HIPK3: variants seen among roughly 807,000 people sequenced by gnomAD.
The protein encoded by HIPK3 is homeodomain interacting protein kinase 3.
Under a neutral mutation model 124.2 loss-of-function variants are expected in HIPK3, and 47 were observed. The ratio of observed to expected loss-of-function variants is 0.38; its 90% CI spans 0.30 to 0.48. HIPK3 has a LOEUF of 0.48. Ranked by LOEUF, HIPK3 falls within the 20% of genes least tolerant of loss-of-function variation. HIPK3 has a pLI of 0.98. For synonymous variants in HIPK3, 482 were observed against 515.2 expected (o/e 0.94, Z 0.87); for missense variants, 1,286 against 1,454.3 (o/e 0.88, Z 1.88).
chr11:33,306,329 A>T (rs1434915015), intron 2 of HIPK3, among the ~76,000 whole-genome samples: 1 of 152,196 alleles, frequency 6.6e-6, no homozygotes, highest in Non-Finnish European at 1.5e-5. Context: ...TAAAAACAGG[A>T]TACCATTTTC....
chr11:33,272,909 G>A (rs950860045), intron 1 of HIPK3, among the ~76,000 whole-genome samples: 2 of 150,294 alleles, frequency 1.3e-5, no homozygotes, highest in Admixed American at 1.3e-4. Context: ...GCAGTGGTAG[G>A]CACTATCACA....
intron 2 of HIPK3, among the ~76,000 whole-genome samples, chr11:33,315,233 A>G (rs1001174207): frequency 7.2e-5 from 11 of 151,928 alleles, no homozygotes; most frequent in African/African-American, 2.7e-4. Flanking sequence ...TCTCTTACAT[A>G]TTGTGAGATT....
At chr11:33,288,226 GT>G in intron 2 of HIPK3, among the ~76,000 whole-genome samples, 1 of 152,286 alleles carries the variant, frequency 6.6e-6, no homozygotes, top group Admixed American at 6.5e-5. Flanking sequence ...GCTGAGGCGG[GT>G]GGATGACCTG....
rs545511091 is a variant in HIPK3, at chr11:33,263,656, T to C, written c.-3+5767T>C. The stretch of plus-strand genomic sequence containing the variant: ...CAAGTTGCTGGAGCCCAGAGTTCAC[T>C]TAGTGAAAAATTGTAATAGCTTGAG... On this transcript the variant is annotated intron_variant, in intron 1 of 16. Transcript: ENST00000303296. 2.6e-3 allele frequency among the ~76,000 whole-genome samples: 402 copies of C among 152,306 alleles called. 1 individual carries two copies. The highest frequency in any genetic ancestry group is 9.0e-3 in the African/African-American group (373 of 41,562).
chr11:33,299,749 G>C (rs977057886), intron 2 of HIPK3, among the ~76,000 whole-genome samples: 1 of 152,134 alleles, frequency 6.6e-6, no homozygotes, highest in Non-Finnish European at 1.5e-5. Context: ...TCGTTGGCCA[G>C]GTGCAGTGGC....
intron 1 of HIPK3, among the ~76,000 whole-genome samples, chr11:33,285,554 C>T (rs936335681): frequency 6.4e-5 from 7 of 108,598 alleles, no homozygotes; most frequent in African/African-American, 1.9e-4. Flanking sequence ...TGGGGCATAG[C>T]GAAACTCTGT....
At chr11:33,257,233 CG>C, upstream of HIPK3, 2 of 983,886 alleles carry the variant, frequency 2.0e-6, no homozygotes, top group Non-Finnish European at 2.4e-6. Context: ...GGGCGGACCC[CG>C]GGGAGGGGCT....
At position 33,349,303 on chromosome 11, in the gene HIPK3, T is replaced by C. The variant is rs1189251687; in HGVS notation, c.2807+16T>C. On this transcript the variant is annotated intron_variant, in intron 14 of 16. Coordinates refer to ENST00000303296, the MANE Select transcript of HIPK3 (RefSeq NM_005734.5). ...GACCGAATAGGTAAAAGAATCTCAA[T>C]AGTAGTGTGTAATAAATAGTAAGTC... 1.9e-6 allele frequency: 3 copies of C among 1,596,548 alleles called. No homozygotes were observed. Among genetic ancestry groups the C allele is most frequent in the Admixed American group, 1.8e-5 (1 of 56,500 alleles).
At chr11:33,292,343 T>A (rs561639003) in intron 2 of HIPK3, among the ~76,000 whole-genome samples, 1 of 152,200 alleles carries the variant, frequency 6.6e-6, no homozygotes, top group African/African-American at 2.4e-5. Flanking sequence ...TTATGTATGT[T>A]CATTAATTTA....
At position 33,351,602 on chromosome 11, in the gene HIPK3, T is replaced by C. The variant is rs762074735; in HGVS notation, c.2808-6T>C. ...ATCACTCATAAAAAATGCTTTCTTT[T>C]TGTAGTATGTCAGATGAAGAGCAAG... On this transcript the variant is annotated splice_region_variant and splice_polypyrimidine_tract_variant and intron_variant, in intron 14 of 16. Transcript: ENST00000303296. 6.2e-7 allele frequency: 1 copy of C among 1,605,214 alleles called. No individual in the cohort carries two copies. The highest frequency in any genetic ancestry group is 1.1e-5 in the South Asian group (1 of 90,576).
At chr11:33,311,317 C>T (rs1336157594) in intron 2 of HIPK3, among the ~76,000 whole-genome samples, 1 of 152,118 alleles carries the variant, frequency 6.6e-6, no homozygotes, top group African/African-American at 2.4e-5. Context: ...TTCTGAGTGG[C>T]TAGGACCACA....
intron 3 of HIPK3, chr11:33,335,625 A>G (rs973156823): frequency 1.6e-4 from 25 of 152,132 alleles, no homozygotes; most frequent in African/African-American, 4.8e-4. Flanking sequence ...GAGAGAGTTA[A>G]GTAGTTAAGG....
Position 33,348,826 on chromosome 11 carries a change from C to A in HIPK3, c.2666+8C>A. The stretch of plus-strand genomic sequence containing the variant: ...GAGACATTCACTCAGAGAGTAAGTG[C>A]CAAACGCTGCATCCTCAAAGGATAT... On this transcript the variant is annotated splice_region_variant and intron_variant, in intron 13 of 16. Transcript: ENST00000303296. The A allele has an allele frequency of 6.2e-7, 1 of 1,608,458 alleles. No homozygotes were observed. The highest frequency in any genetic ancestry group is 8.5e-7 in the Non-Finnish European group (1 of 1,175,862).
chr11:33,280,291 A>G (rs1851378524), intron 1 of HIPK3, among the ~76,000 whole-genome samples: 1 of 152,204 alleles, frequency 6.6e-6, no homozygotes. Context: ...AGGAAATAGT[A>G]TTGTACTAAA....
intron 7 of HIPK3, 85 bp downstream of exon 7, chr11:33,341,212 C>T: frequency 1.0e-6 from 1 of 960,960 alleles, no homozygotes. Flanking sequence ...AGTTTGGTGT[C>T]AGTTGTTAGA....
chr11:33,293,597 C>G (rs1851758804), intron 2 of HIPK3, among the ~76,000 whole-genome samples: 1 of 151,930 alleles, frequency 6.6e-6, no homozygotes, highest in Admixed American at 6.6e-5. Context: ...TAGGATGTAT[C>G]AATACTTACT....
intron 16 of HIPK3, 110 bp downstream of exon 16, chr11:33,352,375 C>G: frequency 8.5e-7 from 1 of 1,177,352 alleles, no homozygotes; most frequent in South Asian, 1.5e-5. Flanking sequence ...TGAATTTTTC[C>G]CTTCTCATTA....
At position 33,354,682 on chromosome 11, in the gene HIPK3, A is replaced by G. The variant is rs1853768680; in HGVS notation, c.*1114A>G. 6.9e-6 allele frequency: 1 copy of G among 145,526 alleles called. No individual in the cohort carries two copies. 9.0% of individuals were successfully genotyped at this position (145,526 alleles called of 1,614,324 possible). ...GTGAGTTCTTTGTGTGCAATTTTTG[A>G]TTTATGCATGTGAGAGGGTTTTTTT... On this transcript the variant is annotated 3_prime_UTR_variant, in exon 17 of 17. Coordinates refer to ENST00000303296, the MANE Select transcript of HIPK3 (RefSeq NM_005734.5).
At chr11:33,281,215 G>A (rs576334928) in intron 1 of HIPK3, among the ~76,000 whole-genome samples, 35 of 151,964 alleles carry the variant, frequency 2.3e-4, no homozygotes, top group Middle Eastern at 6.8e-3. Flanking sequence ...GATTACAGGC[G>A]TGCGCCACCA....
Sources: gnomAD v4.1 joint callset for allele counts (sites outside exome capture counted in the v4.1 genomes callset) on GRCh38, gnomAD v4.1.1 for gene constraint, MANE v1.5 for transcripts, NCBI Gene and HGNC (gene_info 2026-07-23, HGNC 2026-07-21) for gene names.